HDAC4: variants seen among roughly 807,000 people sequenced by gnomAD.
HDAC4 encodes the protein histone deacetylase A.
HDAC4 carries 16 observed loss-of-function variants against 135.1 expected under a neutral mutation model. The observed-to-expected ratio is 0.12, with a 90% CI of 0.08 to 0.18. HDAC4 has a LOEUF of 0.18. Ranked by LOEUF, HDAC4 falls within the 10% of genes least tolerant of loss-of-function variation. The probability of loss-of-function intolerance (pLI) is 1.00; values close to 1 mark genes in which losing one functional copy is unlikely to be tolerated. For synonymous variants in HDAC4, 685 were observed against 653.4 expected, an observed-to-expected ratio of 1.05 and a Z score of -0.74; for missense variants, 1,143 against 1,511.8, an observed-to-expected ratio of 0.76 and a Z score of 4.05.
At chr2:239,189,641 G>A (rs1006566658) in intron 4 of HDAC4, among the ~76,000 whole-genome samples, 192 bp downstream of exon 4, 1 of 152,148 alleles carries the variant, frequency 6.6e-6, no homozygotes, top group African/African-American at 2.4e-5. Context: ...TCAGCACCAC[G>A]TCCTCCACAA....
rs568343539 is a variant in HDAC4 at position 239,373,909 on chromosome 2, C to T, written c.-219-20991G>A. Among the ~76,000 whole-genome samples, 26 of 152,306 alleles carry T rather than the reference C, an allele frequency of 1.7e-4. No individual in the cohort carries two copies. In the South Asian group the frequency reaches 5.2e-3, roughly 30 times the overall value. ...GTCTTTGGAGATTTCTCTTGCTTTA[C>T]TTTTTACAGTTAAGCCTTGAATCCA... is the stretch of plus-strand genomic sequence containing the variant. On this transcript the variant is annotated intron_variant, in intron 1 of 26. Transcript: ENST00000543185.
intron 6 of HDAC4, among the ~76,000 whole-genome samples, chr2:239,161,610 C>T (rs189207456): frequency 6.6e-6 from 1 of 152,296 alleles, no homozygotes; most frequent in Non-Finnish European, 1.5e-5. Flanking sequence ...GGAAAACAAA[C>T]CTGTCCTATG....
intron 1 of HDAC4, among the ~76,000 whole-genome samples, chr2:239,394,527 G>A (rs1045916503): frequency 3.9e-5 from 6 of 152,320 alleles, no homozygotes; most frequent in African/African-American, 1.4e-4. Context: ...TTTGCCACTC[G>A]ACAGCTGTGT....
intron 6 of HDAC4, among the ~76,000 whole-genome samples, chr2:239,159,910 C>G (rs2042684768): frequency 6.6e-6 from 1 of 152,284 alleles, no homozygotes; most frequent in South Asian, 2.1e-4. Context: ...GATGCCACAC[C>G]TAAAGGCAAA....
In HDAC4 at chr2:239,306,536, G is replaced by A. The variant is rs970530730; in HGVS notation, c.22+46142C>T. On this transcript the variant is annotated intron_variant, in intron 2 of 26. Transcript: ENST00000543185. This position sits in a 1 kb window ranked among gnomAD's most constrained non-coding sequence, Gnocchi z 4.5. ...AAATCATCTGGGCCCCGACACACTT[G>A]TTTCGTACCTTTCCCGGTCATGATA... Among the ~76,000 whole-genome samples, 1 of 152,092 alleles carries A rather than the reference G, an allele frequency of 6.6e-6. No homozygotes were observed. Among genetic ancestry groups the A allele is most frequent in the African/African-American group, 2.4e-5 (1 of 41,410 alleles).
In HDAC4 at chr2:239,400,553, C is replaced by T. The variant is rs1316288926; in HGVS notation, c.-220+425G>A. The T allele has an allele frequency of 6.9e-6, 1 of 145,642 alleles. No homozygotes were observed. Among genetic ancestry groups the T allele is most frequent in the Non-Finnish European group, 1.5e-5 (1 of 65,552 alleles). The allele number at this position is 145,642 out of a possible 1,614,324, so 9.0% of individuals were successfully genotyped here. On this transcript the variant is annotated intron_variant, in intron 1 of 26. Coordinates refer to ENST00000543185, the MANE Select transcript of HDAC4 (RefSeq NM_001378414.1). This position sits in a 1 kb window ranked among gnomAD's most constrained non-coding sequence, Gnocchi z 4.7. ...ACGGCGCGCGGCCAGCGCTGGCCCC[C>T]GCCTCCCACGGCCGCGCGCGGGGCG...
chr2:239,243,710 T>C (rs1479035072), intron 2 of HDAC4, among the ~76,000 whole-genome samples: 10 of 152,102 alleles, frequency 6.6e-5, no homozygotes. Context: ...CAGCTGTGAG[T>C]TTATAGAAAA....
intron 5 of HDAC4, among the ~76,000 whole-genome samples, chr2:239,170,680 T>C (rs949511873): frequency 1.3e-5 from 2 of 152,186 alleles, no homozygotes; most frequent in Admixed American, 6.5e-5. Flanking sequence ...TCAGAAGATC[T>C]AGACAAAGCA....
chr2:239,318,686 GAA>G (rs35112686), intron 2 of HDAC4, among the ~76,000 whole-genome samples: 1 of 142,200 alleles, frequency 7.0e-6, no homozygotes, highest in Non-Finnish European at 1.5e-5. Context: ...AAACGATTCT[GAA>G]AAAAAAAAAA....
chr2:239,086,424 G>A lies in HDAC4; in HGVS notation c.2444+1135C>T, dbSNP rs111280228. Among the ~76,000 whole-genome samples, 181 of 149,508 alleles carry A rather than the reference G, an allele frequency of 1.2e-3. 2 individuals carry two copies. Among genetic ancestry groups the A allele is most frequent in the African/African-American group, 4.1e-3 (164 of 40,342 alleles). On this transcript the variant is annotated intron_variant, in intron 19 of 26. Transcript: ENST00000543185. The stretch of plus-strand genomic sequence containing the variant: ...ATCTCTCACGTACAGTCTCCTCCCC[G>A]TACATGAAGGAGAATCTGCTCTAAC...
chr2:239,101,412 A>G (rs1365146999), intron 16 of HDAC4, among the ~76,000 whole-genome samples: 1 of 152,166 alleles, frequency 6.6e-6, no homozygotes, highest in Non-Finnish European at 1.5e-5. Context: ...CTAGGAGTGC[A>G]GGTCTCTGTG....
chr2:239,057,174 G>A (rs2031983293), intron 24 of HDAC4, among the ~76,000 whole-genome samples: 1 of 152,000 alleles, frequency 6.6e-6, no homozygotes, highest in Admixed American at 6.6e-5. Flanking sequence ...TTCTGAGGGG[G>A]GATATGAGGA....
intron 1 of HDAC4, among the ~76,000 whole-genome samples, chr2:239,369,705 C>G (rs577717402): frequency 6.6e-6 from 1 of 152,306 alleles, no homozygotes; most frequent in South Asian, 2.1e-4. Context: ...AACACAGCGC[C>G]TCGGAAGCCA....
intron 18 of HDAC4, among the ~76,000 whole-genome samples, chr2:239,088,074 C>T (rs1454403386): frequency 2.0e-5 from 3 of 152,204 alleles, no homozygotes; most frequent in East Asian, 1.9e-4. Flanking sequence ...TTGGCCTTCA[C>T]GTGACTGCCT....
At chr2:239,205,256 G>A (rs998559317) in intron 3 of HDAC4, among the ~76,000 whole-genome samples, 2 of 152,150 alleles carry the variant, frequency 1.3e-5, no homozygotes, top group Non-Finnish European at 2.9e-5. Flanking sequence ...TGCATCTACA[G>A]ACACAGAAAG....
intron 22 of HDAC4, among the ~76,000 whole-genome samples, chr2:239,071,244 C>A (rs994639359): frequency 3.3e-5 from 5 of 151,908 alleles, no homozygotes; most frequent in Admixed American, 6.6e-5. Flanking sequence ...ATGGTGAAAC[C>A]CCATCTCCAC....
rs920401941 is a variant in HDAC4, at chr2:239,349,792, T to C, written c.22+2886A>G. 1.3e-5 allele frequency among the ~76,000 whole-genome samples: 2 copies of C among 152,140 alleles called. No homozygotes were observed. The highest frequency in any genetic ancestry group is 2.4e-5 in the African/African-American group (1 of 41,448). On this transcript the variant is annotated intron_variant, in intron 2 of 26. Transcript: ENST00000543185. This position sits in a 1 kb window ranked among gnomAD's most constrained non-coding sequence, Gnocchi z 5.7. ...GGGCAGAGGAGGCAGCCAGCAGACT[T>C]CAGGCCCCAGGCAAACCACCTCAGC... is the stretch of plus-strand genomic sequence containing the variant.
chr2:239,276,137 C>T (rs1031707396), intron 2 of HDAC4, among the ~76,000 whole-genome samples: 5 of 152,182 alleles, frequency 3.3e-5, no homozygotes, highest in Non-Finnish European at 5.9e-5. Flanking sequence ...AGACACCGAC[C>T]CCCACGCCAG....
At chr2:239,362,959 TA>T (rs1366531909) in intron 1 of HDAC4, among the ~76,000 whole-genome samples, 2 of 152,126 alleles carry the variant, frequency 1.3e-5, no homozygotes, top group African/African-American at 4.8e-5. Context: ...GATTGCTGAG[TA>T]AAAGGTCAAT....
Sources: allele counts gnomAD v4.1 joint callset (sites outside exome capture counted in the v4.1 genomes callset), GRCh38; gene constraint gnomAD v4.1.1; non-coding constraint Gnocchi (gnomAD v3.1); transcripts MANE v1.5; gene names NCBI Gene and HGNC (gene_info 2026-07-23, HGNC 2026-07-21).